DCAF6: variants seen among roughly 807,000 people sequenced by gnomAD.
DCAF6 encodes DDB1 and CUL4 associated factor 6.
In DCAF6, 54 loss-of-function variants were observed where a neutral mutation model predicts 125.1. That is an observed-to-expected ratio of 0.43 (90% CI 0.35 to 0.54). The LOEUF (loss-of-function observed/expected upper bound fraction) is 0.54. Among genes scored for constraint, DCAF6 ranks in the 20% least tolerant of loss-of-function variants. The pLI, the probability that DCAF6 is intolerant of heterozygous loss-of-function variation, is 0.01. For synonymous variants in DCAF6, 371 were observed against 390.4 expected, an observed-to-expected ratio of 0.95 and a Z score of 0.58; for missense variants, 934 against 1,161.7, an observed-to-expected ratio of 0.80 and a Z score of 2.85.
chr1:167,913,249 T>C, the DCAF6 span, among the ~76,000 whole-genome samples: 1 of 151,914 alleles, frequency 6.6e-6, no homozygotes, highest in African/African-American at 2.4e-5. Context: ...GAATGCGGAG[T>C]GTGAGTAAAG....
At chr1:168,020,724 A>G (rs1685567827) in intron 11 of DCAF6, among the ~76,000 whole-genome samples, 2 of 152,268 alleles carry the variant, frequency 1.3e-5, no homozygotes, top group African/African-American at 4.8e-5. Context: ...TTTTTTAAAT[A>G]TTAGCTATTC....
rs761062262 is a variant in DCAF6 at position 167,991,300 on chromosome 1, C to A, written c.649C>A (p.Arg217=). 1.5e-5 allele frequency: 24 copies of A among 1,613,050 alleles called. No homozygotes were observed. The highest frequency in any genetic ancestry group is 1.3e-5 in the Non-Finnish European group (15 of 1,179,674). Residue 217 remains arginine (R), a synonymous_variant, in exon 6 of 22, where the codon CGA becomes AGA. Coordinates refer to ENST00000367840, the MANE Select transcript of DCAF6 (RefSeq NM_001198956.2). ...LAVGCSDSSV[R]IYDRRMLGTR... is the part of the protein sequence containing the mutation. The stretch of plus-strand genomic sequence containing the variant: ...TGTTGGTTGTTCTGACAGCTCAGTA[C>A]GAATATATGATCGGCGAATGCTGGG...
chr1:168,052,397 G>A (rs920573594), intron 17 of DCAF6, among the ~76,000 whole-genome samples: 1 of 152,136 alleles, frequency 6.6e-6, no homozygotes, highest in Non-Finnish European at 1.5e-5. Flanking sequence ...ATAAACAATG[G>A]TAAAGCAGAA....
chr1:168,023,189 G>C (rs1685881437), intron 12 of DCAF6, 142 bp downstream of exon 12: 1 of 832,530 alleles, frequency 1.2e-6, no homozygotes, highest in Non-Finnish European at 2.0e-6. Flanking sequence ...ATTACAATAG[G>C]TGGTATTGTA....
chr1:167,904,561 TA>T, the DCAF6 span: 4 of 382,908 alleles, frequency 1.0e-5, no homozygotes, highest in African/African-American at 8.1e-5. Flanking sequence ...TAACTGGGAA[TA>T]AAATTTTCAT....
chr1:167,947,738 T>C (rs1009372633), intron 1 of DCAF6, among the ~76,000 whole-genome samples: 2 of 152,222 alleles, frequency 1.3e-5, no homozygotes, highest in African/African-American at 4.8e-5. Context: ...AGGCACTTGA[T>C]GTGATTTCAG....
chr1:168,066,512 C>T (rs1203006676), intron 20 of DCAF6, 47 bp downstream of exon 20: 2 of 1,294,720 alleles, frequency 1.5e-6, no homozygotes, highest in Non-Finnish European at 2.2e-6. Flanking sequence ...CAATTTGTTC[C>T]TAAAATGCTT....
At chr1:168,065,184 G>T (rs1692168407) in intron 18 of DCAF6, among the ~76,000 whole-genome samples, 1 of 152,074 alleles carries the variant, frequency 6.6e-6, no homozygotes, top group African/African-American at 2.4e-5. Flanking sequence ...ACCATTTCAG[G>T]TGCTGTAAAT....
chr1:168,065,846 C>G, intron 19 of DCAF6, 100 bp downstream of exon 19: 1 of 1,141,522 alleles, frequency 8.8e-7, no homozygotes, highest in Non-Finnish European at 1.2e-6. Context: ...TAAGAATAAT[C>G]CAAACTATCT....
intron 3 of DCAF6, among the ~76,000 whole-genome samples, chr1:167,974,100 A>G (rs576335856): frequency 6.6e-6 from 1 of 152,150 alleles, no homozygotes; most frequent in Non-Finnish European, 1.5e-5. Context: ...ATATCTCAGC[A>G]TAATTTCAAT....
At chr1:167,901,623 C>G in the DCAF6 span, 112 of 1,606,562 alleles carry the variant, frequency 7.0e-5, 3 homozygotes, top group South Asian at 1.2e-3. Context: ...AAGACCCTAT[C>G]CCAGCTGCCG....
chr1:167,928,803 G>C, the DCAF6 span, among the ~76,000 whole-genome samples: 1 of 152,124 alleles, frequency 6.6e-6, no homozygotes, highest in Non-Finnish European at 1.5e-5. Context: ...ACAGATACCT[G>C]GCTAACATCC....
chr1:167,910,459 G>C, the DCAF6 span, among the ~76,000 whole-genome samples: 1 of 152,152 alleles, frequency 6.6e-6, no homozygotes, highest in African/African-American at 2.4e-5. Context: ...TGAAAGTTGT[G>C]GGGTAAGTGG....
At chr1:167,936,049 C>A, upstream of DCAF6, 1 of 586,584 alleles carries the variant, frequency 1.7e-6, no homozygotes, top group Non-Finnish European at 3.1e-6. Flanking sequence ...CGGAGGCTGC[C>A]GACTGCCAGC....
At chr1:168,055,070 GAA>G (rs1690462703) in intron 17 of DCAF6, among the ~76,000 whole-genome samples, 1 of 152,024 alleles carries the variant, frequency 6.6e-6, no homozygotes, top group Non-Finnish European at 1.5e-5. Context: ...CATTTCCAAT[GAA>G]CCATAAATAC....
the DCAF6 span, among the ~76,000 whole-genome samples, chr1:167,928,821 T>C: frequency 6.6e-6 from 1 of 152,212 alleles, no homozygotes; most frequent in African/African-American, 2.4e-5. Flanking sequence ...TCCATTATGA[T>C]AAATGAAATA....
At chr1:168,009,225 C>T (rs923738490) in intron 10 of DCAF6, among the ~76,000 whole-genome samples, 1 of 151,820 alleles carries the variant, frequency 6.6e-6, no homozygotes, top group Non-Finnish European at 1.5e-5. Flanking sequence ...GTCTCAATCT[C>T]CTGACCTTGT....
intron 7 of DCAF6, among the ~76,000 whole-genome samples, chr1:167,993,712 G>A (rs1162541899): frequency 1.3e-5 from 2 of 151,952 alleles, no homozygotes; most frequent in African/African-American, 4.8e-5. Context: ...TCACGCCATC[G>A]CACTCCAGCC....
the DCAF6 span, chr1:167,870,510 G>A: frequency 9.0e-7 from 1 of 1,110,916 alleles, no homozygotes; most frequent in South Asian, 1.4e-5. Context: ...AAATATCCTT[G>A]GGCCAGGCGC....
Sources: allele counts gnomAD v4.1 joint callset (sites outside exome capture counted in the v4.1 genomes callset), GRCh38; gene constraint gnomAD v4.1.1; transcripts MANE v1.5; gene names NCBI Gene and HGNC (gene_info 2026-07-23, HGNC 2026-07-21).